Variants in AGAP1 observed in about 807,000 individuals in gnomAD.
AGAP1 encodes the protein arf-GAP with GTPase, ANK repeat and PH domain-containing protein 1.
In AGAP1, 29 loss-of-function variants were observed where a neutral mutation model predicts 105.3. The observed-to-expected ratio is 0.28, with a 90% CI of 0.21 to 0.38. The LOEUF (loss-of-function observed/expected upper bound fraction) is 0.38. Ranked by LOEUF, AGAP1 falls within the 10% of genes least tolerant of loss-of-function variation. The pLI is 1.00. For missense variants in AGAP1, 998 were observed against 1,165.1 expected, an observed-to-expected ratio of 0.86 and a Z score of 2.09; for synonymous variants, 509 against 485.9, an observed-to-expected ratio of 1.05 and a Z score of -0.63.
chr2:235,920,101 T>C (rs938265002), intron 11 of AGAP1, among the ~76,000 whole-genome samples: 2 of 152,176 alleles, frequency 1.3e-5, no homozygotes, highest in African/African-American at 4.8e-5. Flanking sequence ...TTGGCCACGT[T>C]GATGTATTTA....
At chr2:235,932,372 G>A (rs1198645822) in intron 12 of AGAP1, among the ~76,000 whole-genome samples, 1 of 152,242 alleles carries the variant, frequency 6.6e-6, no homozygotes, top group African/African-American at 2.4e-5. Context: ...AAGAACCACT[G>A]TTAATCATGG....
Position 236,049,224 on chromosome 2 carries a change from A to G in AGAP1, c.2057A>G (p.Asn686Ser), listed in dbSNP as rs947516879. The G allele has an allele frequency of 1.2e-6, 2 of 1,614,222 alleles. No homozygotes were observed. The highest frequency in any genetic ancestry group is 1.7e-6 in the Non-Finnish European group (2 of 1,180,044). ...VMSSIGNELANSVWEESSQGR... is the reference protein window; with the variant it reads ...VMSSIGNELASSVWEESSQGR... ...TCATCCATCGGGAACGAGCTAGCCA[A>G]CAGCGTCTGGGAAGAGAGCAGCCAG... Residue 686 changes from asparagine to serine, a missense_variant, in exon 16 of 18, where the codon AAC becomes AGC. By Grantham distance (46) the Asn-to-Ser change is conservative. This residue lies in a region of AGAP1 where 235 missense variants were observed against 270.7 expected (regional missense o/e 0.87). Transcript: ENST00000304032.
chr2:235,980,303 A>G (rs988434028), intron 13 of AGAP1, among the ~76,000 whole-genome samples: 1 of 152,202 alleles, frequency 6.6e-6, no homozygotes, highest in Non-Finnish European at 1.5e-5. Context: ...TGCCTTGTAC[A>G]TCGTCATCCC....
At chr2:235,853,036 C>T (rs2048542750) in intron 9 of AGAP1, 1 of 1,243,374 alleles carries the variant, frequency 8.0e-7, no homozygotes, top group African/African-American at 1.5e-5. Flanking sequence ...CAAAAGACCC[C>T]TTAATTTCTA....
Position 235,696,193 on chromosome 2 carries a change from G to GC in AGAP1, c.164-12985dup, listed in dbSNP as rs561583790. 1.1e-3 allele frequency among the ~76,000 whole-genome samples: 166 copies of GC among 152,252 alleles called. 1 individual carries two copies. The highest frequency in any genetic ancestry group is 3.8e-3 in the African/African-American group (156 of 41,546). On this transcript the variant is annotated intron_variant, in intron 1 of 17. Coordinates refer to ENST00000304032, the MANE Select transcript of AGAP1 (RefSeq NM_001037131.3). ...CCAAAGTAGCTAGGATTACAGGCGT[G>GC]CACCCCCATGCCCAGCTAATTTTTG...
Position 236,080,174 on chromosome 2 carries a change from A to G in AGAP1, c.2114+30893A>G, listed in dbSNP as rs988509714. ...CATTTGCCCTGTGCTCTGGAGGGAG[A>G]TGCTATCTCCATCATCCAAGGCTGT... On this transcript the variant is annotated intron_variant, in intron 16 of 17. Transcript: ENST00000304032. The surrounding 1 kb of genome is among the most constrained non-coding windows in gnomAD (Gnocchi z 4.2). 2.0e-5 allele frequency among the ~76,000 whole-genome samples: 3 copies of G among 152,204 alleles called. No homozygotes were observed. Among genetic ancestry groups the G allele is most frequent in the African/African-American group, 7.2e-5 (3 of 41,450 alleles).
rs6431384 is a variant in AGAP1, at chr2:235,566,786, G to A, written c.163+71937G>A. On this transcript the variant is annotated intron_variant, in intron 1 of 17. Transcript: ENST00000304032. The surrounding 1 kb of genome is among the most constrained non-coding windows in gnomAD (Gnocchi z 5.2). ...AGGGGGCCCCGTGTTAGTTTCCTGTGGCTGCCGTAACAGCCACAAACTAGG... is the reference window on the plus strand; with the variant it reads ...AGGGGGCCCCGTGTTAGTTTCCTGTAGCTGCCGTAACAGCCACAAACTAGG... 0.028 allele frequency among the ~76,000 whole-genome samples: 4,299 copies of A among 152,276 alleles called. 207 individuals carry two copies. The highest frequency in any genetic ancestry group is 0.099 in the African/African-American group (4,099 of 41,552).
intron 12 of AGAP1, among the ~76,000 whole-genome samples, chr2:235,945,865 G>A (rs959085258): frequency 6.7e-6 from 1 of 150,180 alleles, no homozygotes; most frequent in Non-Finnish European, 1.5e-5. Flanking sequence ...GAAGGCAGAG[G>A]GGGAGCCGGC....
chr2:236,122,120 T>C (rs955581606), intron 17 of AGAP1, among the ~76,000 whole-genome samples: 3 of 152,072 alleles, frequency 2.0e-5, no homozygotes, highest in Non-Finnish European at 4.4e-5. Context: ...GAATGGCAGT[T>C]TTTAAAAAAT....
At chr2:235,786,225 T>G (rs1023195311) in intron 6 of AGAP1, among the ~76,000 whole-genome samples, 4 of 152,236 alleles carry the variant, frequency 2.6e-5, no homozygotes, top group Non-Finnish European at 2.9e-5. Flanking sequence ...GCATCCAGCT[T>G]GAGAATAAGT....
chr2:235,606,885 G>A (rs1945957228), intron 1 of AGAP1, among the ~76,000 whole-genome samples: 1 of 142,646 alleles, frequency 7.0e-6, no homozygotes, highest in Admixed American at 7.2e-5. Context: ...AGGCTGCAGT[G>A]AGCTGAGATC....
intron 9 of AGAP1, among the ~76,000 whole-genome samples, chr2:235,821,245 T>C (rs1232414659): frequency 6.6e-6 from 1 of 152,298 alleles, no homozygotes; most frequent in Middle Eastern, 3.4e-3. Context: ...GAATACCCTT[T>C]AGAGATAAGT....
At chr2:235,563,081 C>T (rs940623447) in intron 1 of AGAP1, among the ~76,000 whole-genome samples, 2 of 152,110 alleles carry the variant, frequency 1.3e-5, no homozygotes, top group African/African-American at 2.4e-5. Context: ...AAAATAAGTA[C>T]AGTCGCTTTG....
rs1469003615 is a variant in AGAP1, at chr2:235,665,264, C to T, written c.164-43915C>T. Among the ~76,000 whole-genome samples the T allele has an allele frequency of 6.6e-6, 1 of 152,256 alleles. No homozygotes were observed. Among genetic ancestry groups the T allele is most frequent in the African/African-American group, 2.4e-5 (1 of 41,558 alleles). On this transcript the variant is annotated intron_variant, in intron 1 of 17. Transcript: ENST00000304032. The surrounding 1 kb of genome is among the most constrained non-coding windows in gnomAD (Gnocchi z 5.3). ...GTTGGCAGGAATTGCTATCGTTGGT[C>T]CTTAAGGAAAAACACAGGAAGGATG...
chr2:235,615,537 T>G lies in AGAP1; in HGVS notation c.164-93642T>G, dbSNP rs1321241356. On this transcript the variant is annotated intron_variant, in intron 1 of 17. Transcript: ENST00000304032. This position sits in a 1 kb window ranked among gnomAD's most constrained non-coding sequence, Gnocchi z 5.0. Reference sequence around the variant, plus strand: ...ATCAAATGCACATTTGGCATGATTCTCATCTCTGAGCCATTGCAACCTATT... The same window carrying G: ...ATCAAATGCACATTTGGCATGATTCGCATCTCTGAGCCATTGCAACCTATT... Among the ~76,000 whole-genome samples the G allele has an allele frequency of 6.6e-6, 1 of 152,246 alleles. No individual in the cohort carries two copies. The highest frequency in any genetic ancestry group is 1.5e-5 in the Non-Finnish European group (1 of 68,046).
intron 10 of AGAP1, among the ~76,000 whole-genome samples, chr2:235,896,402 C>T (rs2050809088): frequency 6.6e-6 from 1 of 152,176 alleles, no homozygotes; most frequent in Admixed American, 6.5e-5. Context: ...GGAATGTGAG[C>T]ATACAGATAA....
rs1000878459 is a variant in AGAP1 at position 236,020,525 on chromosome 2, CCT to C, written c.1646-16031_1646-16030del. Among the ~76,000 whole-genome samples, 1 of 152,150 alleles carries C rather than the reference CCT, an allele frequency of 6.6e-6. No homozygotes were observed. The highest frequency in any genetic ancestry group is 1.9e-4 in the East Asian group (1 of 5,190). On this transcript the variant is annotated intron_variant, in intron 13 of 17. Coordinates refer to ENST00000304032, the MANE Select transcript of AGAP1 (RefSeq NM_001037131.3). This position sits in a 1 kb window ranked among gnomAD's most constrained non-coding sequence, Gnocchi z 5.0. ...AGTCACACACGCCTGGGTCTCATCC[CCT>C]CTCTGCCACTTCCCAGCTGTGTGGC...
Position 235,599,449 on chromosome 2 carries a change from C to T in AGAP1, c.163+104600C>T, listed in dbSNP as rs1316776981. Reference sequence around the variant, plus strand: ...AGGAAGTATTTGCATGAATTAGCCACACGCAGAGGGCAGTTATGTGTGATG... The same window carrying T: ...AGGAAGTATTTGCATGAATTAGCCATACGCAGAGGGCAGTTATGTGTGATG... On this transcript the variant is annotated intron_variant, in intron 1 of 17. Coordinates refer to ENST00000304032, the MANE Select transcript of AGAP1 (RefSeq NM_001037131.3). This position sits in a 1 kb window ranked among gnomAD's most constrained non-coding sequence, Gnocchi z 5.3. 6.6e-6 allele frequency among the ~76,000 whole-genome samples: 1 copy of T among 152,144 alleles called. No homozygotes were observed. The highest frequency in any genetic ancestry group is 1.5e-5 in the Non-Finnish European group (1 of 68,042).
At chr2:235,606,643 A>C (rs1245771731) in intron 1 of AGAP1, among the ~76,000 whole-genome samples, 1 of 152,178 alleles carries the variant, frequency 6.6e-6, no homozygotes, top group Non-Finnish European at 1.5e-5. Context: ...TTAAATTTTA[A>C]TTGTTTACAG....
Sources: gnomAD v4.1 joint callset for allele counts (sites outside exome capture counted in the v4.1 genomes callset) on GRCh38, gnomAD v4.1.1 for gene constraint, gnomAD v4.1.1 regional missense constraint, Gnocchi (gnomAD v3.1) non-coding constraint, MANE v1.5 for transcripts, NCBI Gene and HGNC (gene_info 2026-07-23, HGNC 2026-07-21) for gene names.